Variants in TAX1BP1 observed in about 807,000 individuals in gnomAD.
The protein encoded by TAX1BP1 is Tax1 binding protein 1, also known as tax1-binding protein 1.
A neutral mutation model predicts 97.7 loss-of-function variants in TAX1BP1; 62 were observed. The ratio of observed to expected loss-of-function variants is 0.63; its 90% CI spans 0.52 to 0.78. The LOEUF (loss-of-function observed/expected upper bound fraction) is 0.78, where lower values mean the gene tolerates loss of function less well. TAX1BP1 is among the 30% of genes least tolerant of loss of function. The probability of loss-of-function intolerance (pLI) is 0.00; values close to 1 mark genes in which losing one functional copy is unlikely to be tolerated. For synonymous variants in TAX1BP1, 340 were observed against 304.2 expected, an observed-to-expected ratio of 1.12 and a Z score of -1.23; for missense variants, 867 against 916.1, an observed-to-expected ratio of 0.95 and a Z score of 0.69.
chr7:27,749,260 T>C (rs1004312566), intron 2 of TAX1BP1, among the ~76,000 whole-genome samples: 2 of 152,230 alleles, frequency 1.3e-5, no homozygotes, highest in Non-Finnish European at 2.9e-5. Flanking sequence ...AAGGTGATCA[T>C]TACAGTGGTA....
At chr7:27,799,101 T>A (rs1790041466) in intron 12 of TAX1BP1, among the ~76,000 whole-genome samples, 1 of 152,200 alleles carries the variant, frequency 6.6e-6, no homozygotes, top group African/African-American at 2.4e-5. Context: ...GATAAAGATT[T>A]TCTCCTGTGT....
intron 12 of TAX1BP1, among the ~76,000 whole-genome samples, chr7:27,798,927 A>G (rs1790036643): frequency 6.7e-6 from 1 of 149,258 alleles, no homozygotes; most frequent in Non-Finnish European, 1.5e-5. Context: ...CTTTTGTCTG[A>G]TATATGTAAG....
chr7:27,758,538 G>A (rs1294176682), intron 3 of TAX1BP1, among the ~76,000 whole-genome samples: 3 of 152,010 alleles, frequency 2.0e-5, no homozygotes, highest in African/African-American at 7.2e-5. Context: ...ATTCTGTCAT[G>A]TGTAAGTTCC....
intron 15 of TAX1BP1, among the ~76,000 whole-genome samples, chr7:27,824,866 A>G (rs1162154449): frequency 6.6e-6 from 1 of 151,862 alleles, no homozygotes; most frequent in African/African-American, 2.4e-5. Context: ...ACTGTTCATA[A>G]ATATATTTCA....
chr7:27,771,888 T>C (rs910242358), intron 5 of TAX1BP1: 4 of 152,036 alleles, frequency 2.6e-5, no homozygotes. Context: ...TCTCTCTAAA[T>C]GTAAGTAGCT....
At chr7:27,764,889 T>G (rs898395269) in intron 3 of TAX1BP1, among the ~76,000 whole-genome samples, 2 of 150,112 alleles carry the variant, frequency 1.3e-5, no homozygotes, top group Non-Finnish European at 3.0e-5. Flanking sequence ...TCAAGTGGGC[T>G]CCTGTATTTT....
intron 15 of TAX1BP1, among the ~76,000 whole-genome samples, chr7:27,822,317 AC>A (rs1203837110): frequency 7.9e-5 from 12 of 152,056 alleles, no homozygotes; most frequent in Non-Finnish European, 1.8e-4. Flanking sequence ...TTGTTTTCAT[AC>A]CTTTTTACTT....
intron 13 of TAX1BP1, chr7:27,803,130 A>G: frequency 6.5e-7 from 1 of 1,547,980 alleles, no homozygotes; most frequent in Non-Finnish European, 8.7e-7. Flanking sequence ...AGAGAAAGAC[A>G]AAGAAATAAG....
chr7:27,743,401 T>A (rs1052785044), intron 1 of TAX1BP1, among the ~76,000 whole-genome samples: 5 of 152,262 alleles, frequency 3.3e-5, no homozygotes, highest in African/African-American at 1.2e-4. Flanking sequence ...CCTATCGGAT[T>A]AAAGTTTGGA....
rs972337025 is a variant in TAX1BP1 at position 27,816,199 on chromosome 7, G to A, written c.1765-150G>A. ...AGGATACATTTATGAGAAGTTGAGA[G>A]CCAGCTTTTCTAACTGTGTTTCCAA... is the stretch of plus-strand genomic sequence containing the variant. On this transcript the variant is annotated intron_variant, in intron 13 of 16. Transcript: ENST00000396319. The A allele has an allele frequency of 6.6e-6, 4 of 601,542 alleles. No individual in the cohort carries two copies. In the Admixed American group the frequency reaches 1.6e-4, roughly 25 times the overall value. The allele number at this position is 601,542 out of a possible 1,614,324, so 37.3% of individuals were successfully genotyped here.
At chr7:27,763,723 A>T (rs1460140744) in intron 3 of TAX1BP1, among the ~76,000 whole-genome samples, 1 of 151,954 alleles carries the variant, frequency 6.6e-6, no homozygotes, top group Non-Finnish European at 1.5e-5. Flanking sequence ...AGCTGAGATC[A>T]GGCCACTGCA....
At chr7:27,801,717 A>T (rs916506090) in intron 13 of TAX1BP1, among the ~76,000 whole-genome samples, 1 of 152,214 alleles carries the variant, frequency 6.6e-6, no homozygotes, top group African/African-American at 2.4e-5. Flanking sequence ...AGGTAATTTT[A>T]TTTCATTAAT....
chr7:27,816,202 A>G, intron 13 of TAX1BP1, 147 bp from the exon 14 acceptor site: 2 of 615,728 alleles, frequency 3.2e-6, no homozygotes, highest in Non-Finnish European at 5.3e-6. Flanking sequence ...GTTGAGAGCC[A>G]GCTTTTCTAA....
chr7:27,741,610 C>T (rs1272413854), intron 1 of TAX1BP1, among the ~76,000 whole-genome samples: 3 of 151,938 alleles, frequency 2.0e-5, no homozygotes, highest in Non-Finnish European at 4.4e-5. Flanking sequence ...AAGCGATTCT[C>T]CTGCCTCAGC....
chr7:27,755,649 T>C (rs1361199805), intron 2 of TAX1BP1, among the ~76,000 whole-genome samples: 1 of 152,244 alleles, frequency 6.6e-6, no homozygotes, highest in Non-Finnish European at 1.5e-5. Context: ...CCTTGTTTAA[T>C]TTCCATTTTC....
At chr7:27,811,777 C>A (rs963186787) in intron 13 of TAX1BP1, among the ~76,000 whole-genome samples, 3 of 152,132 alleles carry the variant, frequency 2.0e-5, no homozygotes, top group African/African-American at 7.2e-5. Flanking sequence ...CTGCTACCCC[C>A]CTGTCCTAGA....
At chr7:27,764,441 T>C (rs935662512) in intron 3 of TAX1BP1, among the ~76,000 whole-genome samples, 15 of 152,226 alleles carry the variant, frequency 9.9e-5, no homozygotes, top group African/African-American at 3.6e-4. Flanking sequence ...AAGAATGCCA[T>C]AGAAACAGTA....
chr7:27,828,327 C>T (rs1791264187), intron 16 of TAX1BP1, among the ~76,000 whole-genome samples: 2 of 152,050 alleles, frequency 1.3e-5, no homozygotes, highest in Non-Finnish European at 2.9e-5. Flanking sequence ...TTCTGTTAAA[C>T]GTGGAAGAAT....
intron 13 of TAX1BP1, among the ~76,000 whole-genome samples, chr7:27,805,470 T>C (rs1034583351): frequency 2.6e-5 from 4 of 152,206 alleles, no homozygotes; most frequent in African/African-American, 9.6e-5. Flanking sequence ...TAAATGTTCT[T>C]TATTTTTGTG....
Sources: gnomAD v4.1 joint callset for allele counts (sites outside exome capture counted in the v4.1 genomes callset) on GRCh38, gnomAD v4.1.1 for gene constraint, MANE v1.5 for transcripts, NCBI Gene and HGNC (gene_info 2026-07-23, HGNC 2026-07-21) for gene names.